TRHDE: variants seen among roughly 807,000 people sequenced by gnomAD.
The protein encoded by TRHDE is thyrotropin releasing hormone degrading enzyme, also known as thyrotropin-releasing hormone-degrading ectoenzyme.
In TRHDE, 72 loss-of-function variants were observed where a neutral mutation model predicts 125.7. The ratio of observed to expected loss-of-function variants is 0.57; its 90% CI spans 0.47 to 0.70. TRHDE has a LOEUF of 0.70. Among genes scored for constraint, TRHDE ranks in the 30% least tolerant of loss-of-function variants. TRHDE has a pLI of 0.00. For missense variants in TRHDE, 1,110 were observed against 1,327.1 expected, an observed-to-expected ratio of 0.84 and a Z score of 2.54; for synonymous variants, 509 against 509.1, an observed-to-expected ratio of 1.00 and a Z score of 0.00.
In TRHDE at chr12:72,617,529, G is replaced by T. The variant is rs1011014776; in HGVS notation, c.2322-1362G>T. 5.1e-4 allele frequency among the ~76,000 whole-genome samples: 77 copies of T among 152,196 alleles called. 1 individual carries two copies. The highest frequency in any genetic ancestry group is 1.6e-3 in the African/African-American group (68 of 41,548). Reference sequence around the variant, plus strand: ...ACAAAGGTCCATCTAATTTTGTTATGTTACAAAAGAACAGTGTGAAATATA... The same window carrying T: ...ACAAAGGTCCATCTAATTTTGTTATTTTACAAAAGAACAGTGTGAAATATA... On this transcript the variant is annotated intron_variant, in intron 12 of 18. Transcript: ENST00000261180.
At chr12:72,158,725 T>A (rs950365464) in intron 2 of TRHDE, among the ~76,000 whole-genome samples, 1 of 152,212 alleles carries the variant, frequency 6.6e-6, no homozygotes, top group African/African-American at 2.4e-5. Context: ...ATTTGCATAA[T>A]CCTCTGTTCT....
chr12:72,467,810 A>T (rs1876456400), intron 3 of TRHDE, among the ~76,000 whole-genome samples: 1 of 152,214 alleles, frequency 6.6e-6, no homozygotes, highest in Non-Finnish European at 1.5e-5. Flanking sequence ...GCGAGACTCC[A>T]TCTCAAACAA....
chr12:72,208,662 A>T (rs1184343883), intron 2 of TRHDE, among the ~76,000 whole-genome samples: 1 of 152,116 alleles, frequency 6.6e-6, no homozygotes, highest in Non-Finnish European at 1.5e-5. Flanking sequence ...TATCTATCTC[A>T]CAGGGTTTTA....
chr12:72,417,233 C>T (rs1199505189), intron 3 of TRHDE, among the ~76,000 whole-genome samples: 1 of 151,908 alleles, frequency 6.6e-6, no homozygotes, highest in Admixed American at 6.6e-5. Flanking sequence ...GGACTATTAA[C>T]CTTTAAATGA....
intron 2 of TRHDE, among the ~76,000 whole-genome samples, chr12:72,153,702 G>A (rs1386698429): frequency 3.3e-5 from 5 of 152,168 alleles, no homozygotes; most frequent in South Asian, 2.1e-4. Flanking sequence ...GTAGTTGAGC[G>A]GTTTTGAGTG....
At chr12:72,453,455 A>G (rs1875681625) in intron 3 of TRHDE, among the ~76,000 whole-genome samples, 1 of 152,234 alleles carries the variant, frequency 6.6e-6, no homozygotes, top group East Asian at 1.9e-4. Flanking sequence ...GTTGGAATTT[A>G]TATTTAAAAG....
chr12:72,631,988 AAT>A lies in TRHDE; in HGVS notation c.2675+10238_2675+10239del, dbSNP rs755036761. Among the ~76,000 whole-genome samples the A allele has an allele frequency of 2.6e-5, 4 of 151,948 alleles. No individual in the cohort carries two copies. The East Asian group carries it at 5.8e-4, about 22-fold the overall frequency. The stretch of plus-strand genomic sequence containing the variant: ...AAGTAGTACGTTGATGGATAAGATA[AAT>A]CTGTGTAATTTTTCAACATTTCTGT... On this transcript the variant is annotated intron_variant, in intron 15 of 18. Coordinates refer to ENST00000261180, the MANE Select transcript of TRHDE (RefSeq NM_013381.3).
chr12:72,601,899 T>C, intron 12 of TRHDE, among the ~76,000 whole-genome samples: 1 of 152,186 alleles, frequency 6.6e-6, no homozygotes, highest in East Asian at 1.9e-4. Flanking sequence ...TATTGCGGTA[T>C]TCTGAAACTG....
At chr12:72,517,531 C>T (rs1565774639) in intron 6 of TRHDE, among the ~76,000 whole-genome samples, 2 of 152,086 alleles carry the variant, frequency 1.3e-5, no homozygotes, top group Non-Finnish European at 2.9e-5. Context: ...TGATTCTTCT[C>T]TCTTTTTTTC....
intron 7 of TRHDE, among the ~76,000 whole-genome samples, chr12:72,555,455 A>G (rs1869875335): frequency 8.2e-6 from 1 of 121,710 alleles, no homozygotes. Context: ...AACCTAATAT[A>G]ATTTAATAAT....
chr12:72,392,535 T>C (rs551784863), intron 3 of TRHDE, among the ~76,000 whole-genome samples: 2 of 152,304 alleles, frequency 1.3e-5, no homozygotes, highest in Admixed American at 1.3e-4. Flanking sequence ...CAAACTTTTC[T>C]CTGTAAAAGG....
intron 15 of TRHDE, among the ~76,000 whole-genome samples, chr12:72,627,139 A>G (rs1273187594): frequency 4.0e-5 from 6 of 151,896 alleles, no homozygotes; most frequent in Non-Finnish European, 7.4e-5. Context: ...GTCCTTTGTC[A>G]TTAAACGGTT....
At chr12:72,535,091 A>G (rs1457679085) in intron 6 of TRHDE, among the ~76,000 whole-genome samples, 1 of 152,090 alleles carries the variant, frequency 6.6e-6, no homozygotes, top group Non-Finnish European at 1.5e-5. Flanking sequence ...ATCAATACCT[A>G]TATACTTTTT....
chr12:72,517,379 G>A (rs1878928816), intron 6 of TRHDE, among the ~76,000 whole-genome samples: 1 of 152,114 alleles, frequency 6.6e-6, no homozygotes. Flanking sequence ...TTGGGAGAGT[G>A]CATGTGTCGA....
In TRHDE at chr12:72,097,102, A is replaced by C. The variant is rs191652185; in HGVS notation, n.175-8546A>C. 9.2e-5 allele frequency among the ~76,000 whole-genome samples: 14 copies of C among 152,338 alleles called. No individual in the cohort carries two copies. The East Asian group carries it at 2.7e-3, about 29-fold the overall frequency. ...TCTCTATCAACCCACATGTACAAAG[A>C]GTAAGGAAGAGGTGGTTTTCTCAAA... On this transcript the variant is annotated intron_variant and non_coding_transcript_variant, in intron 1 of 4. Transcript: ENST00000548156.
chr12:72,637,962 G>GA (rs1377263521), intron 15 of TRHDE, among the ~76,000 whole-genome samples: 2 of 152,004 alleles, frequency 1.3e-5, no homozygotes, highest in Non-Finnish European at 2.9e-5. Context: ...GTGTGGTGCT[G>GA]AAAAAAATGT....
intron 6 of TRHDE, among the ~76,000 whole-genome samples, chr12:72,534,639 A>G (rs149525430): frequency 7.9e-5 from 12 of 152,212 alleles, no homozygotes; most frequent in Non-Finnish European, 1.6e-4. Context: ...AGTTTATTAT[A>G]TACCAAACAC....
At chr12:72,469,295 A>G (rs1253924731) in intron 3 of TRHDE, among the ~76,000 whole-genome samples, 1 of 152,232 alleles carries the variant, frequency 6.6e-6, no homozygotes, top group Non-Finnish European at 1.5e-5. Context: ...ATACACTAGA[A>G]TTTAAGCAAT....
intron 10 of TRHDE, among the ~76,000 whole-genome samples, chr12:72,572,683 A>T (rs1361057196): frequency 6.6e-6 from 1 of 152,090 alleles, no homozygotes; most frequent in Non-Finnish European, 1.5e-5. Context: ...TAATAATGAC[A>T]TACTTAAGAA....
Sources: gnomAD v4.1 joint callset for allele counts (sites outside exome capture counted in the v4.1 genomes callset) on GRCh38, gnomAD v4.1.1 for gene constraint, MANE v1.5 for transcripts, NCBI Gene and HGNC (gene_info 2026-07-23, HGNC 2026-07-21) for gene names.